The following UGGT2 variants were observed in gnomAD, a reference collection of about 807,000 sequenced individuals.
UGGT2 encodes the protein UDP-glucose glycoprotein glucosyltransferase 2, also known as UDP-glucose:glycoprotein glucosyltransferase 2.
A neutral mutation model predicts 192.1 loss-of-function variants in UGGT2; 180 were observed. The observed-to-expected ratio is 0.94, with a 90% CI of 0.83 to 1.06. The LOEUF is 1.06. Among genes scored for constraint, UGGT2 ranks in the 50% least tolerant of loss-of-function variants. The pLI is 0.00. For missense variants in UGGT2, 1,849 were observed against 1,795.7 expected (o/e 1.03, Z -0.54); for synonymous variants, 580 against 591.0 (o/e 0.98, Z 0.27).
At chr13:95,804,386 C>T (rs1486581977) in intron 38 of UGGT2, among the ~76,000 whole-genome samples, 1 of 152,134 alleles carries the variant, frequency 6.6e-6, no homozygotes, top group Non-Finnish European at 1.5e-5. Context: ...CTACCCAAAG[C>T]AATCTACAGA....
At chr13:96,002,792 A>G (rs2051849179) in intron 5 of UGGT2, among the ~76,000 whole-genome samples, 2 of 152,230 alleles carry the variant, frequency 1.3e-5, no homozygotes, top group African/African-American at 4.8e-5. Flanking sequence ...CAAGTCCCCA[A>G]AAGATCTTGG....
At chr13:95,996,595 G>A (rs939406936) in intron 6 of UGGT2, among the ~76,000 whole-genome samples, 2 of 151,766 alleles carry the variant, frequency 1.3e-5, no homozygotes, top group Non-Finnish European at 2.9e-5. Flanking sequence ...ATATGCATGT[G>A]TACAGGCTAA....
chr13:95,930,875 G>A (rs534367869), intron 17 of UGGT2, among the ~76,000 whole-genome samples: 9 of 152,298 alleles, frequency 5.9e-5, no homozygotes, highest in African/African-American at 1.7e-4. Flanking sequence ...GAGTGAAGGT[G>A]CAGACTTTTA....
chr13:95,806,446 TGTTGTCA>T (rs1381747803), intron 38 of UGGT2, among the ~76,000 whole-genome samples: 1 of 152,160 alleles, frequency 6.6e-6, no homozygotes, highest in Non-Finnish European at 1.5e-5. Flanking sequence ...ATTACATATT[TGTTGTCA>T]GGAAGAAAGA....
chr13:95,994,452 AAAG>A (rs2051555197), intron 7 of UGGT2, among the ~76,000 whole-genome samples: 4 of 151,576 alleles, frequency 2.6e-5, no homozygotes. Context: ...TTTTTCCTCA[AAAG>A]AAATTCAATT....
chr13:95,863,802 A>T, intron 30 of UGGT2, 88 bp from the exon 31 acceptor site: 1 of 1,018,068 alleles, frequency 9.8e-7, no homozygotes, highest in Non-Finnish European at 1.5e-6. Flanking sequence ...GGGCGAGATT[A>T]CCCATAGAAA....
intron 22 of UGGT2, among the ~76,000 whole-genome samples, chr13:95,896,797 T>G (rs1170052342): frequency 1.3e-5 from 2 of 152,104 alleles, no homozygotes; most frequent in Non-Finnish European, 2.9e-5. Context: ...CCAAGTTGGG[T>G]AAAAGAACAA....
intron 1 of UGGT2, among the ~76,000 whole-genome samples, chr13:96,040,371 T>C (rs943136111): frequency 6.6e-6 from 1 of 152,166 alleles, no homozygotes; most frequent in Non-Finnish European, 1.5e-5. Context: ...TAACTTCACA[T>C]GGCCTTCTCC....
intron 17 of UGGT2, 26 bp from the exon 18 acceptor site, chr13:95,927,362 A>C: frequency 6.4e-7 from 1 of 1,570,314 alleles, no homozygotes; most frequent in African/African-American, 1.4e-5. Context: ...TGTTATTTAG[A>C]TAATACAGGC....
chr13:95,836,301 C>T (rs1187930744), intron 37 of UGGT2, among the ~76,000 whole-genome samples: 1 of 152,202 alleles, frequency 6.6e-6, no homozygotes, highest in Non-Finnish European at 1.5e-5. Context: ...CCACCTGCCT[C>T]GGCCTCTTAA....
At chr13:96,044,637 T>G (rs1326690077) in intron 1 of UGGT2, among the ~76,000 whole-genome samples, 1 of 152,066 alleles carries the variant, frequency 6.6e-6, no homozygotes, top group Non-Finnish European at 1.5e-5. Flanking sequence ...AAAATCCAAA[T>G]AAGCTCAATT....
intron 2 of UGGT2, among the ~76,000 whole-genome samples, chr13:96,024,464 C>T (rs536726773): frequency 6.6e-6 from 1 of 152,308 alleles, no homozygotes; most frequent in South Asian, 2.1e-4. Context: ...GTGGCACTAA[C>T]GGGGATAAGC....
chr13:96,031,333 G>A (rs1441481898), intron 2 of UGGT2, among the ~76,000 whole-genome samples: 2 of 152,166 alleles, frequency 1.3e-5, no homozygotes, highest in East Asian at 3.9e-4. Context: ...GGGGGACAGG[G>A]GAGACAAGGC....
At chr13:96,039,260 A>C (rs2053095834) in intron 1 of UGGT2, among the ~76,000 whole-genome samples, 1 of 152,180 alleles carries the variant, frequency 6.6e-6, no homozygotes, top group Non-Finnish European at 1.5e-5. Context: ...TGCCTATAGA[A>C]TTTTGGAAGT....
chr13:95,948,195 G>T, intron 13 of UGGT2, 114 bp from the exon 14 acceptor site: 9 of 572,816 alleles, frequency 1.6e-5, no homozygotes, highest in Admixed American at 3.1e-5. Context: ...AATTTTTAAA[G>T]AAATTCTAGC....
intron 1 of UGGT2, among the ~76,000 whole-genome samples, chr13:96,038,192 G>C (rs1566850466): frequency 1.3e-5 from 2 of 152,146 alleles, no homozygotes; most frequent in South Asian, 4.1e-4. Flanking sequence ...CCTATAAAAA[G>C]TACCTTTTGT....
chr13:95,894,658 C>T lies in UGGT2; in HGVS notation c.2760-1G>A. ...AACTTTCATAATAAAGTCACTCATG[C>T]TAGATAAACAAGACAAACAGTGTAT... On this transcript the variant is annotated splice_acceptor_variant, in intron 23 of 38. Coordinates refer to ENST00000376747, the MANE Select transcript of UGGT2 (RefSeq NM_020121.4). LOFTEE classifies it high-confidence loss of function. The T allele has an allele frequency of 1.9e-6, 3 of 1,609,864 alleles. No individual in the cohort carries two copies. Among genetic ancestry groups the T allele is most frequent in the Non-Finnish European group, 2.5e-6 (3 of 1,177,776 alleles).
At chr13:95,917,437 G>A (rs940739794) in intron 20 of UGGT2, among the ~76,000 whole-genome samples, 3 of 152,056 alleles carry the variant, frequency 2.0e-5, no homozygotes, top group African/African-American at 4.8e-5. Flanking sequence ...AAGAAAAACC[G>A]TCGGCAGCCA....
intron 29 of UGGT2, among the ~76,000 whole-genome samples, chr13:95,874,376 T>A (rs917876269): frequency 2.0e-5 from 3 of 152,010 alleles, no homozygotes; most frequent in African/African-American, 7.2e-5. Context: ...TTGTGGTCAT[T>A]ATTAAGTAAA....
Sources: allele counts gnomAD v4.1 joint callset (sites outside exome capture counted in the v4.1 genomes callset), GRCh38; gene constraint gnomAD v4.1.1; transcripts MANE v1.5; gene names NCBI Gene and HGNC (gene_info 2026-07-23, HGNC 2026-07-21).